The following SULF1 variants were observed in gnomAD, a reference collection of about 807,000 sequenced individuals.
The protein encoded by SULF1 is extracellular sulfatase Sulf-1.
In SULF1, 46 loss-of-function variants were observed where a neutral mutation model predicts 110.5. The ratio of observed to expected loss-of-function variants is 0.42; its 90% CI spans 0.33 to 0.53. The LOEUF is 0.53. SULF1 is among the 20% of genes least tolerant of loss of function. SULF1 has a pLI of 0.12. For synonymous variants in SULF1, 371 were observed against 387.1 expected, an observed-to-expected ratio of 0.96 and a Z score of 0.49; for missense variants, 941 against 1,094.2, an observed-to-expected ratio of 0.86 and a Z score of 1.98.
At chr8:69,615,630 A>G (rs192516254) in intron 13 of SULF1, among the ~76,000 whole-genome samples, 6 of 152,090 alleles carry the variant, frequency 3.9e-5, no homozygotes, top group Non-Finnish European at 5.9e-5. Flanking sequence ...GTGTAGACAT[A>G]TATGCATATA....
chr8:69,586,796 A>G (rs780995774), intron 7 of SULF1, among the ~76,000 whole-genome samples: 80 of 152,186 alleles, frequency 5.3e-4, no homozygotes, highest in Non-Finnish European at 7.6e-4. Flanking sequence ...TTGTCCTCCC[A>G]GTTCCCCCGG....
chr8:69,627,354 G>T, intron 16 of SULF1, 48 bp downstream of exon 16: 1 of 1,454,520 alleles, frequency 6.9e-7, no homozygotes, highest in East Asian at 2.3e-5. Context: ...ACTCAAACTC[G>T]GCCTGCCAGC....
chr8:69,505,629 A>G (rs1422701873), intron 3 of SULF1, among the ~76,000 whole-genome samples: 1 of 152,170 alleles, frequency 6.6e-6, no homozygotes, highest in East Asian at 1.9e-4. Flanking sequence ...AAACCTTTTC[A>G]AGGAATCAAT....
chr8:69,521,124 C>A (rs1812267790), intron 3 of SULF1, among the ~76,000 whole-genome samples: 1 of 152,142 alleles, frequency 6.6e-6, no homozygotes, highest in Admixed American at 6.5e-5. Flanking sequence ...GAAGTCTCAA[C>A]AAAAGGGTTT....
In SULF1 at chr8:69,629,525, T is replaced by A. The variant is rs553015313; in HGVS notation, c.2130T>A (p.Asp710Glu). The change falls in exon 19 of 23, where the codon GAT becomes GAA. Residue 710 changes from aspartate (D) to glutamate (E), a missense_variant. Around this residue, in one of 3 missense-constraint regions of SULF1, gnomAD observed 822 missense variants for 934.3 expected, o/e 0.88. Transcript: ENST00000402687. ...HPFKEAAQEV[D>E]SKLQLFKENN... ...ACAGGGAGGCTGCTCAGGAAGTAGA[T>A]AGCAAACTGCAACTTTTCAAGGAGA... is the stretch of plus-strand genomic sequence containing the variant. The A allele has an allele frequency of 1.2e-6, 2 of 1,613,342 alleles. No homozygotes were observed. Among genetic ancestry groups the A allele is most frequent in the South Asian group, 2.2e-5 (2 of 90,940 alleles).
chr8:69,505,400 T>C (rs1811117394), intron 3 of SULF1, among the ~76,000 whole-genome samples: 1 of 152,186 alleles, frequency 6.6e-6, no homozygotes, highest in Admixed American at 6.5e-5. Context: ...TGCGCACAGA[T>C]GGGATAACTT....
chr8:69,474,428 C>T (rs1255897688), intron 1 of SULF1, among the ~76,000 whole-genome samples: 1 of 152,180 alleles, frequency 6.6e-6, no homozygotes, highest in Non-Finnish European at 1.5e-5. Context: ...TCAATCTTCT[C>T]CTGAATAGAA....
chr8:69,600,236 A>G (rs1807685052), intron 8 of SULF1, among the ~76,000 whole-genome samples: 1 of 152,198 alleles, frequency 6.6e-6, no homozygotes, highest in Non-Finnish European at 1.5e-5. Context: ...ATGAGTTAAC[A>G]TCATATGAGG....
intron 5 of SULF1, among the ~76,000 whole-genome samples, chr8:69,569,975 T>C (rs1805109482): frequency 6.6e-6 from 1 of 152,322 alleles, no homozygotes; most frequent in South Asian, 2.1e-4. Context: ...AATTAGAATA[T>C]TCAATAGATC....
At chr8:69,608,455 A>G (rs1018220223) in intron 13 of SULF1, among the ~76,000 whole-genome samples, 51 of 152,132 alleles carry the variant, frequency 3.4e-4, no homozygotes, top group African/African-American at 1.2e-3. Context: ...CGAGGCGGGC[A>G]GATCATCTGA....
At chr8:69,656,648 G>A (rs1464734156) in intron 22 of SULF1, among the ~76,000 whole-genome samples, 1 of 152,178 alleles carries the variant, frequency 6.6e-6, no homozygotes, top group Non-Finnish European at 1.5e-5. Flanking sequence ...AATAGGAAAT[G>A]ATCTCATTCC....
At chr8:69,620,141 C>T (rs1586567123) in intron 13 of SULF1, among the ~76,000 whole-genome samples, 1 of 152,088 alleles carries the variant, frequency 6.6e-6, no homozygotes, top group Non-Finnish European at 1.5e-5. Context: ...AGTTTGGCCG[C>T]TGGATGGCCA....
At chr8:69,588,709 T>C (rs1806647861) in intron 7 of SULF1, among the ~76,000 whole-genome samples, 2 of 152,350 alleles carry the variant, frequency 1.3e-5, no homozygotes, top group South Asian at 4.1e-4. Flanking sequence ...GACTTGACTT[T>C]TTTTTTCCCC....
intron 1 of SULF1, among the ~76,000 whole-genome samples, chr8:69,494,352 G>A (rs1253425588): frequency 6.6e-6 from 1 of 151,892 alleles, no homozygotes; most frequent in Non-Finnish European, 1.5e-5. Flanking sequence ...CATCCAAAAT[G>A]GATCAAGTGG....
chr8:69,486,325 A>ATT (rs1280896146), intron 1 of SULF1, among the ~76,000 whole-genome samples: 3,063 of 141,572 alleles, frequency 0.022, 81 homozygotes, highest in African/African-American at 0.07. Context: ...CTTTTTTTAA[A>ATT]AAAAAAAAAT....
intron 13 of SULF1, among the ~76,000 whole-genome samples, chr8:69,606,376 C>G (rs1473296): frequency 0.74 from 112,937 of 152,120 alleles, 42,464 homozygotes; most frequent in African/African-American, 0.85. Flanking sequence ...TCTTATGAAA[C>G]CTCCAAATAT....
intron 8 of SULF1, among the ~76,000 whole-genome samples, chr8:69,590,137 A>G (rs968222875): frequency 6.6e-5 from 10 of 152,168 alleles, no homozygotes; most frequent in Non-Finnish European, 1.3e-4. Context: ...GCCGGTCACT[A>G]TACATCCCTA....
At chr8:69,595,852 A>G (rs1807269863) in intron 8 of SULF1, among the ~76,000 whole-genome samples, 1 of 152,248 alleles carries the variant, frequency 6.6e-6, no homozygotes, top group Non-Finnish European at 1.5e-5. Flanking sequence ...TTCCCCAGGT[A>G]TAGATTTAAT....
intron 21 of SULF1, among the ~76,000 whole-genome samples, chr8:69,639,836 G>A (rs1446618744): frequency 6.6e-6 from 1 of 152,190 alleles, no homozygotes; most frequent in Admixed American, 6.5e-5. Context: ...ATCACCACCT[G>A]TCATCTCCTT....
Sources: gnomAD v4.1 joint callset for allele counts (sites outside exome capture counted in the v4.1 genomes callset) on GRCh38, gnomAD v4.1.1 for gene constraint, gnomAD v4.1.1 regional missense constraint, MANE v1.5 for transcripts, NCBI Gene and HGNC (gene_info 2026-07-23, HGNC 2026-07-21) for gene names.